TAF8: variants seen among roughly 807,000 people sequenced by gnomAD.
TAF8 encodes transcription initiation factor TFIID subunit 8.
In TAF8, 47 loss-of-function variants were observed where a neutral mutation model predicts 36.5. The observed-to-expected ratio is 1.29, with a 90% CI of 1.02 to 1.64. TAF8 has a LOEUF of 1.64. TAF8 is among the 40% of genes most tolerant of loss of function. The pLI is 0.00. For missense variants in TAF8, 420 were observed against 407.6 expected (o/e 1.03, Z -0.26); for synonymous variants, 175 against 159.5 (o/e 1.10, Z -0.73).
At chr6:42,070,436 G>A (rs1765526109) in intron 7 of TAF8, among the ~76,000 whole-genome samples, 1 of 152,230 alleles carries the variant, frequency 6.6e-6, no homozygotes, top group African/African-American at 2.4e-5. Flanking sequence ...AGCTTGGCGT[G>A]AGCCAAGATC....
At chr6:42,086,039 AG>A (rs200218979), downstream of TAF8, among the ~76,000 whole-genome samples, 1,864 of 152,334 alleles carry the variant, frequency 0.012, 25 homozygotes, top group Non-Finnish European at 0.019. Flanking sequence ...CACAGTGAGG[AG>A]ACACTATCTG....
At chr6:42,084,180 CAAA>C (rs35595303), downstream of TAF8, among the ~76,000 whole-genome samples, 10 of 63,398 alleles carry the variant, frequency 1.6e-4, no homozygotes, top group Admixed American at 3.5e-4. Context: ...GACTCTGTCT[CAAA>C]AAAAAAAAAA....
At chr6:42,063,580 CAT>C (rs1282782638) in intron 5 of TAF8, 1 of 152,062 alleles carries the variant, frequency 6.6e-6, no homozygotes, top group African/African-American at 2.4e-5. Flanking sequence ...TTTTTGAAAT[CAT>C]AGGGTTTTTG....
intron 5 of TAF8, among the ~76,000 whole-genome samples, chr6:42,059,171 C>T (rs183597969): frequency 1.3e-5 from 2 of 152,090 alleles, no homozygotes; most frequent in Non-Finnish European, 1.5e-5. Context: ...ATCATGAGGT[C>T]AGGAGATCGA....
chr6:42,075,148 A>G (rs79118370), intron 7 of TAF8, among the ~76,000 whole-genome samples: 10,116 of 152,156 alleles, frequency 0.066, 385 homozygotes, highest in Middle Eastern at 0.12. Flanking sequence ...GATAGGATGG[A>G]CGGAGCGAGG....
At chr6:42,064,430 T>C (rs987926223) in intron 5 of TAF8, among the ~76,000 whole-genome samples, 1 of 152,050 alleles carries the variant, frequency 6.6e-6, no homozygotes, top group African/African-American at 2.4e-5. Flanking sequence ...AATTTTTGTA[T>C]TTTTAGTAGA....
At chr6:42,055,781 A>G in intron 3 of TAF8, 152 bp downstream of exon 3, 1 of 766,330 alleles carries the variant, frequency 1.3e-6, no homozygotes, top group Non-Finnish European at 2.2e-6. Flanking sequence ...TCCTCTGAAC[A>G]CATCTAAGAG....
intron 7 of TAF8, among the ~76,000 whole-genome samples, chr6:42,074,439 G>A (rs1021323761): frequency 7.9e-5 from 12 of 152,352 alleles, no homozygotes; most frequent in African/African-American, 2.6e-4. Context: ...CACAGAGGGT[G>A]TAGGCCTTGC....
chr6:42,051,297 G>C (rs1222048336), intron 1 of TAF8, 60 bp from the exon 2 acceptor site: 5 of 1,531,960 alleles, frequency 3.3e-6, no homozygotes, highest in Non-Finnish European at 4.5e-6. Context: ...CGTTGACCAC[G>C]TATGAACTAT....
rs1765901547 is a variant in TAF8, at chr6:42,080,862, G to T, written c.*3317G>T. ...AAACATGCAGATTAAAAATGTTTAT[G>T]AAAATCTCAATAAAAATTCATAATA... On this transcript the variant is annotated 3_prime_UTR_variant, in exon 9 of 9. Coordinates refer to ENST00000372977, the MANE Select transcript of TAF8 (RefSeq NM_138572.3). 1.0e-6 allele frequency: 1 copy of T among 979,948 alleles called. No homozygotes were observed. The highest frequency in any genetic ancestry group is 1.2e-6 in the Non-Finnish European group (1 of 825,010). The allele number at this position is 979,948 out of a possible 1,614,324, so 60.7% of individuals were successfully genotyped here. A position where few individuals can be genotyped will look rare whatever the true frequency, so the allele number is the denominator to read the frequency against.
At chr6:42,052,487 A>G (rs926630250) in intron 2 of TAF8, among the ~76,000 whole-genome samples, 2 of 151,928 alleles carry the variant, frequency 1.3e-5, no homozygotes, top group Non-Finnish European at 2.9e-5. Context: ...ACGCCTGGCT[A>G]ATTTTTGTAT....
At chr6:42,054,993 A>G (rs1325577129) in intron 2 of TAF8, among the ~76,000 whole-genome samples, 2 of 149,208 alleles carry the variant, frequency 1.3e-5, no homozygotes, top group Non-Finnish European at 3.0e-5. Context: ...GCAATGGCAC[A>G]ATCTCTGCTC....
intron 2 of TAF8, among the ~76,000 whole-genome samples, chr6:42,053,936 A>AG (rs1294383020): frequency 6.6e-6 from 1 of 152,178 alleles, no homozygotes; most frequent in Non-Finnish European, 1.5e-5. Context: ...TCAGTATAGC[A>AG]GGGGGGTTGG....
rs767307596 is a variant in TAF8 at position 42,077,163 on chromosome 6, A to T, written c.844A>T (p.Ser282Cys). ...VLQQNPSLSG[S>C]RNGEENIIDN... ...GCAGCAGAACCCCTCCTTGTCGGGT[A>T]GCCGGAATGGGGAGGAGAACATCAT... Residue 282 changes from serine (S) to cysteine (C), a missense_variant, in exon 8 of 9, where the codon AGC (serine) becomes TGC (cysteine). Physicochemically the swap from Ser to Cys is moderately radical, Grantham distance 112. Transcript: ENST00000372977. 6.2e-7 allele frequency: 1 copy of T among 1,614,032 alleles called. No individual in the cohort carries two copies. Among genetic ancestry groups the T allele is most frequent in the African/African-American group, 1.3e-5 (1 of 74,936 alleles).
intron 2 of TAF8, 135 bp downstream of exon 2, chr6:42,051,648 T>G (rs548754673): frequency 9.5e-7 from 1 of 1,047,704 alleles, no homozygotes; most frequent in Non-Finnish European, 1.3e-6. Context: ...TTTTTTAATG[T>G]AAAAAGTTGA....
intron 1 of TAF8, chr6:42,051,062 G>A (rs1333534191): frequency 9.0e-7 from 1 of 1,105,204 alleles, no homozygotes; most frequent in Admixed American, 4.6e-5. Flanking sequence ...ATCCCATCAT[G>A]CGTGTTTCTT....
rs778638815 is a variant in TAF8, at chr6:42,051,470, C to T, written c.159C>T (p.Ala53=). Residue 53 remains alanine, a synonymous_variant, in exon 2 of 9, where the codon GCC becomes GCT. Transcript: ENST00000372977. ...SLLTEAGFES[A]EKASVETLTE... is the part of the protein sequence containing the mutation. ...TGACAGAGGCAGGGTTTGAGAGTGC[C>T]GAGAAAGCATCCGTGGAAACGCTGA... The T allele has an allele frequency of 1.2e-6, 2 of 1,613,954 alleles. No homozygotes were observed. The highest frequency in any genetic ancestry group is 1.1e-5 in the South Asian group (1 of 91,074).
chr6:42,050,796 C>A, intron 1 of TAF8: 1 of 905,148 alleles, frequency 1.1e-6, no homozygotes, highest in Non-Finnish European at 1.5e-6. Flanking sequence ...GGCTCGTTCG[C>A]TGTTGGGGGT....
At chr6:42,072,300 C>T (rs141532250) in intron 7 of TAF8, among the ~76,000 whole-genome samples, 3 of 152,322 alleles carry the variant, frequency 2.0e-5, no homozygotes, top group African/African-American at 7.2e-5. Flanking sequence ...TTACTACAGT[C>T]AGTTGGACCT....
Sources: allele counts gnomAD v4.1 joint callset (sites outside exome capture counted in the v4.1 genomes callset), GRCh38; gene constraint gnomAD v4.1.1; transcripts MANE v1.5; gene names NCBI Gene and HGNC (gene_info 2026-07-23, HGNC 2026-07-21).